WWOX: variants seen among roughly 807,000 people sequenced by gnomAD.
WWOX encodes WW domain containing oxidoreductase, also known as WW domain-containing oxidoreductase.
WWOX carries 69 observed loss-of-function variants against 46.2 expected under a neutral mutation model. The observed-to-expected ratio is 1.49, with a 90% confidence interval of 1.23 to 1.82. WWOX has a LOEUF of 1.82. WWOX is among the 40% of genes most tolerant of loss of function. The probability of loss-of-function intolerance (pLI) is 0.00; values close to 1 mark genes in which losing one functional copy is unlikely to be tolerated. For missense variants in WWOX, 919 were observed against 542.6 expected, an observed-to-expected ratio of 1.69 and a Z score of -6.89; for synonymous variants, 359 against 202.6, an observed-to-expected ratio of 1.77 and a Z score of -6.56.
At chr16:79,204,997 A>T (rs1175968781) in intron 8 of WWOX, 1 of 152,148 alleles carries the variant, frequency 6.6e-6, no homozygotes, top group Non-Finnish European at 1.5e-5. Flanking sequence ...GGAGAATGGC[A>T]TGGCCTTTGT....
At chr16:78,990,137 C>T (rs1330013709) in intron 8 of WWOX, among the ~76,000 whole-genome samples, 1 of 150,654 alleles carries the variant, frequency 6.6e-6, no homozygotes, top group Non-Finnish European at 1.5e-5. Context: ...TGAGCCATGA[C>T]CTTGCCACTG....
At chr16:78,400,139 G>T (rs1187317825) in intron 6 of WWOX, among the ~76,000 whole-genome samples, 3 of 152,118 alleles carry the variant, frequency 2.0e-5, no homozygotes, top group African/African-American at 7.2e-5. Context: ...TAACTTTTAA[G>T]CTTAAACTCC....
chr16:78,167,067 T>A (rs2034998358), intron 5 of WWOX: 2 of 152,230 alleles, frequency 1.3e-5, no homozygotes, highest in African/African-American at 4.8e-5. Flanking sequence ...TACAGTGACA[T>A]TCATGTTTAA....
intron 4 of WWOX, among the ~76,000 whole-genome samples, chr16:78,146,788 C>G (rs1055993505): frequency 3.3e-5 from 5 of 152,142 alleles, no homozygotes; most frequent in African/African-American, 1.2e-4. Flanking sequence ...TATGTTATAA[C>G]CAAAAAGGTC....
chr16:78,174,366 C>A (rs372958231), intron 5 of WWOX, among the ~76,000 whole-genome samples: 19 of 152,216 alleles, frequency 1.2e-4, no homozygotes, highest in East Asian at 3.9e-4. Flanking sequence ...TGGGAAAGAC[C>A]GGCCCCCATG....
rs141452449 is a variant in WWOX, at chr16:78,907,297, C to T, written c.1057-304311C>T. On this transcript the variant is annotated intron_variant, in intron 8 of 8. Coordinates refer to ENST00000566780, the MANE Select transcript of WWOX (RefSeq NM_016373.4). ...TACCAGTCCTCAAAAATGCAAAAGCCGGAAAAGACATTTCAGAAGGCCAAC... is the reference window on the plus strand; with the variant it reads ...TACCAGTCCTCAAAAATGCAAAAGCTGGAAAAGACATTTCAGAAGGCCAAC... Among the ~76,000 whole-genome samples, 289 of 152,192 alleles carry T rather than the reference C, an allele frequency of 1.9e-3. 2 individuals carry two copies. Among genetic ancestry groups the T allele is most frequent in the African/African-American group, 6.8e-3 (283 of 41,492 alleles).
At chr16:78,762,978 TG>T (rs945382663) in intron 8 of WWOX, among the ~76,000 whole-genome samples, 226 of 152,230 alleles carry the variant, frequency 1.5e-3, no homozygotes, top group African/African-American at 5.2e-3. Context: ...ATTTTCCTGG[TG>T]GGGGGACCAG....
At chr16:79,194,209 T>C (rs1201529471) in intron 8 of WWOX, among the ~76,000 whole-genome samples, 3 of 152,200 alleles carry the variant, frequency 2.0e-5, no homozygotes, top group African/African-American at 7.2e-5. Context: ...CCAAAAACGA[T>C]TTGGAAAGGA....
intron 8 of WWOX, among the ~76,000 whole-genome samples, chr16:79,169,863 G>T (rs535681450): frequency 1.7e-4 from 26 of 152,276 alleles, no homozygotes; most frequent in African/African-American, 6.0e-4. Flanking sequence ...TTGCAGGGAA[G>T]TTCTTACAGC....
intron 8 of WWOX, among the ~76,000 whole-genome samples, chr16:79,011,605 A>T (rs1373420254): frequency 6.6e-6 from 1 of 151,334 alleles, no homozygotes; most frequent in African/African-American, 2.4e-5. Context: ...CGATCCTCCC[A>T]CTTCAGCCTC....
intron 4 of WWOX, among the ~76,000 whole-genome samples, chr16:78,137,637 A>G (rs2033844914): frequency 6.6e-6 from 1 of 152,156 alleles, no homozygotes; most frequent in Non-Finnish European, 1.5e-5. Flanking sequence ...CCGTCATATG[A>G]AACAGGGAAA....
Position 78,508,310 on chromosome 16 carries a change from C to CTTTTTT in WWOX, c.1056+75583_1056+75588dup, listed in dbSNP as rs60281450. On this transcript the variant is annotated intron_variant, in intron 8 of 8. Coordinates refer to ENST00000566780, the MANE Select transcript of WWOX (RefSeq NM_016373.4). ...ATAGGCGTGAGCCACTGCGCCCGGCCTTTTTTTTTTTTTTTTTTTTTTTTT... is the reference window on the plus strand; with the variant it reads ...ATAGGCGTGAGCCACTGCGCCCGGCCTTTTTTTTTTTTTTTTTTTTTTTTTTTTTTT... Among the ~76,000 whole-genome samples, 311 of 112,680 alleles carry CTTTTTT rather than the reference C, an allele frequency of 2.8e-3. 26 individuals carry two copies. Among genetic ancestry groups the CTTTTTT allele is most frequent in the African/African-American group, 5.7e-3 (133 of 23,394 alleles). 73.9% of individuals were successfully genotyped at this position (112,680 alleles called of 152,430 possible). A position where few individuals can be genotyped will look rare whatever the true frequency, so the allele number is the denominator to read the frequency against.
At chr16:78,150,005 G>A (rs2034343484) in intron 4 of WWOX, among the ~76,000 whole-genome samples, 2 of 152,050 alleles carry the variant, frequency 1.3e-5, no homozygotes, top group Admixed American at 6.5e-5. Flanking sequence ...TGACACTAAC[G>A]ACCCAGAGTC....
intron 8 of WWOX, among the ~76,000 whole-genome samples, chr16:79,140,706 C>T (rs2050072674): frequency 6.6e-6 from 1 of 152,214 alleles, no homozygotes; most frequent in Non-Finnish European, 1.5e-5. Flanking sequence ...ACATCTCATT[C>T]ACACAAAATG....
intron 8 of WWOX, among the ~76,000 whole-genome samples, chr16:78,993,488 G>T (rs748651456): frequency 6.6e-6 from 1 of 152,184 alleles, no homozygotes; most frequent in South Asian, 2.1e-4. Context: ...TGCCAGGTGT[G>T]ATAAATGACT....
chr16:78,639,579 T>G (rs958624830), intron 8 of WWOX, among the ~76,000 whole-genome samples: 1 of 30,446 alleles, frequency 3.3e-5, no homozygotes. Flanking sequence ...ATTTTTTTTT[T>G]TTCCAGACAG....
chr16:78,100,288 A>C, intron 1 of WWOX: 2 of 1,058,960 alleles, frequency 1.9e-6, no homozygotes, highest in South Asian at 5.8e-5. Context: ...GGTATTGCTC[A>C]GTCATCCAGG....
intron 8 of WWOX, among the ~76,000 whole-genome samples, chr16:78,457,645 G>A (rs1338944110): frequency 1.3e-5 from 2 of 152,066 alleles, no homozygotes; most frequent in Admixed American, 6.6e-5. Flanking sequence ...CATGTACGGT[G>A]GCTCATGCCT....
chr16:78,717,141 T>C (rs150765968), intron 8 of WWOX, among the ~76,000 whole-genome samples: 2,239 of 152,304 alleles, frequency 0.015, 22 homozygotes, highest in South Asian at 0.037. Flanking sequence ...ACAGAGGTGC[T>C]CTGTGTAAAT....
Sources: allele counts gnomAD v4.1 joint callset (sites outside exome capture counted in the v4.1 genomes callset), GRCh38; gene constraint gnomAD v4.1.1; transcripts MANE v1.5; gene names NCBI Gene and HGNC (gene_info 2026-07-23, HGNC 2026-07-21).